Variants in SPTLC1 observed in about 807,000 individuals in gnomAD.
SPTLC1 encodes the protein serine palmitoyltransferase long chain base subunit 1.
In SPTLC1, 55 loss-of-function variants were observed where a neutral mutation model predicts 68.9. The ratio of observed to expected loss-of-function variants is 0.80; its 90% CI spans 0.64 to 1.00. The LOEUF is 1.00. Among genes scored for constraint, SPTLC1 ranks in the 50% least tolerant of loss-of-function variants. SPTLC1 has a pLI of 0.00. For missense variants in SPTLC1, 449 were observed against 573.1 expected, an observed-to-expected ratio of 0.78 and a Z score of 2.21; for synonymous variants, 197 against 201.6, an observed-to-expected ratio of 0.98 and a Z score of 0.19.
At chr9:92,046,228 C>T (rs562091965) in intron 11 of SPTLC1, 175 bp from the exon 12 acceptor site, 148 of 636,556 alleles carry the variant, frequency 2.3e-4, no homozygotes, top group African/African-American at 2.2e-3. Flanking sequence ...GTCTCTGGTG[C>T]GTGCTAACTG....
chr9:92,036,317 G>A (rs953859427), intron 13 of SPTLC1, among the ~76,000 whole-genome samples: 3 of 152,112 alleles, frequency 2.0e-5, no homozygotes, highest in South Asian at 2.1e-4. Context: ...CTTTCATTAC[G>A]TGGCTAATTC....
chr9:92,087,661 G>A (rs1012845956), intron 3 of SPTLC1, among the ~76,000 whole-genome samples: 64 of 152,310 alleles, frequency 4.2e-4, no homozygotes, highest in Middle Eastern at 3.4e-3. Context: ...CTACTGGGGG[G>A]TGCCTCCCAG....
intron 3 of SPTLC1, among the ~76,000 whole-genome samples, chr9:92,084,711 T>C (rs1835040465): frequency 6.6e-6 from 1 of 151,906 alleles, no homozygotes; most frequent in African/African-American, 2.4e-5. Flanking sequence ...TCTTTTTTGG[T>C]TGTGTCTCTG....
intron 5 of SPTLC1, among the ~76,000 whole-genome samples, chr9:92,075,611 C>T (rs1587948332): frequency 6.6e-6 from 1 of 152,166 alleles, no homozygotes; most frequent in Admixed American, 6.5e-5. Context: ...CTGGGCTGGC[C>T]GTCATGCCTG....
intron 12 of SPTLC1, among the ~76,000 whole-genome samples, chr9:92,038,713 C>T (rs528751986): frequency 1.3e-5 from 2 of 152,356 alleles, no homozygotes; most frequent in East Asian, 1.9e-4. Context: ...AATGTTTGTT[C>T]TTCCCTGTGT....
Position 92,081,030 on chromosome 9 carries a change from G to A in SPTLC1, c.261-67C>T, listed in dbSNP as rs1326885977. ...TGTTACATGCTATCATATTACCTTG[G>A]TGGTAGGCACAACAACATAGTGTTG... On this transcript the variant is annotated intron_variant, in intron 3 of 14. Transcript: ENST00000262554. The A allele has an allele frequency of 4.5e-5, 55 of 1,226,174 alleles. No individual in the cohort carries two copies. The South Asian group carries it at 4.6e-4, about 10-fold the overall frequency. The allele number at this position is 1,226,174 out of a possible 1,614,324, so 76.0% of individuals were successfully genotyped here. A position where few individuals can be genotyped will look rare whatever the true frequency, so the allele number is the denominator to read the frequency against.
chr9:92,093,893 A>AAGAATCT (rs1433006117), intron 3 of SPTLC1, among the ~76,000 whole-genome samples: 1 of 152,226 alleles, frequency 6.6e-6, no homozygotes, highest in Non-Finnish European at 1.5e-5. Flanking sequence ...AGACCAATGA[A>AAGAATCT]AGAATCTAGA....
chr9:92,052,520 A>G (rs187970229), intron 8 of SPTLC1, among the ~76,000 whole-genome samples: 3 of 151,704 alleles, frequency 2.0e-5, no homozygotes, highest in Non-Finnish European at 2.9e-5. Flanking sequence ...GATTAAACAA[A>G]GATTATTATT....
rs756425729 is a variant in SPTLC1, at chr9:92,108,788, G to A, written c.212C>T (p.Pro71Leu). ...IEEWQPEPLV[P>L]PVPKDHPALN... is the part of the protein sequence containing the mutation. ...AGCAGGATGGTCTTTTGGGACAGGA[G>A]GAACAAGAGGTTCTGGTTGCCACTC... The change falls in exon 3 of 15, where the codon CCT (proline) becomes CTT (leucine). Residue 71 changes from proline to leucine, a missense_variant. Pro to Leu is a moderately conservative substitution (Grantham distance 98). Transcript: ENST00000262554. The A allele has an allele frequency of 2.5e-6, 4 of 1,605,470 alleles. No homozygotes were observed. The East Asian group carries it at 6.7e-5, about 27-fold the overall frequency.
At chr9:92,058,435 T>C (rs1448987652) in intron 7 of SPTLC1, among the ~76,000 whole-genome samples, 1 of 152,200 alleles carries the variant, frequency 6.6e-6, no homozygotes, top group African/African-American at 2.4e-5. Context: ...AAGACACACA[T>C]CATGGTGTCC....
chr9:92,044,209 A>T (rs1235665506), intron 12 of SPTLC1, among the ~76,000 whole-genome samples: 1 of 152,168 alleles, frequency 6.6e-6, no homozygotes, highest in Non-Finnish European at 1.5e-5. Flanking sequence ...GGTGTGGGAG[A>T]AGGCAATTCT....
chr9:92,045,602 T>A (rs1313563599), intron 12 of SPTLC1, among the ~76,000 whole-genome samples: 4 of 148,614 alleles, frequency 2.7e-5, no homozygotes, highest in African/African-American at 1.0e-4. Flanking sequence ...AACTTAGTAA[T>A]TTATTAAAAA....
intron 8 of SPTLC1, 70 bp downstream of exon 8, chr9:92,055,335 G>A (rs762684194): frequency 1.1e-4 from 170 of 1,604,920 alleles, no homozygotes; most frequent in East Asian, 6.9e-4. Flanking sequence ...CACTAAAAGC[G>A]GTCATAAACA....
intron 3 of SPTLC1, among the ~76,000 whole-genome samples, chr9:92,082,039 C>A (rs1371647014): frequency 6.6e-6 from 1 of 152,002 alleles, no homozygotes; most frequent in African/African-American, 2.4e-5. Context: ...AGAGAGATCC[C>A]CTCTGTATTA....
rs779025787 is a variant in SPTLC1, at chr9:92,108,814, T to C, written c.186A>G (p.Glu62=). 3.7e-6 allele frequency: 6 copies of C among 1,601,692 alleles called. No individual in the cohort carries two copies. In the African/African-American group the frequency reaches 6.7e-5, roughly 18 times the overall value. The change falls in exon 3 of 15, where the codon GAA becomes GAG. Residue 62 remains glutamate (E), a synonymous_variant. Coordinates refer to ENST00000262554, the MANE Select transcript of SPTLC1 (RefSeq NM_006415.4). ...GAACAAGAGGTTCTGGTTGCCACTC[T>C]TCAATCAGTTCTTCTTTTTCCTACA... is the stretch of plus-strand genomic sequence containing the variant. The part of the protein sequence containing the change: ...LTVKEKEELI[E]EWQPEPLVPP...
intron 13 of SPTLC1, 63 bp from the exon 14 acceptor site, chr9:92,034,946 G>A: frequency 5.2e-6 from 7 of 1,343,102 alleles, no homozygotes; most frequent in Non-Finnish European, 7.5e-6. Context: ...ATTAAACTGG[G>A]GGAACGCTGA....
intron 7 of SPTLC1, among the ~76,000 whole-genome samples, 153 bp from the exon 8 acceptor site, chr9:92,055,647 A>G (rs1459712706): frequency 6.6e-6 from 1 of 152,208 alleles, no homozygotes; most frequent in Non-Finnish European, 1.5e-5. Flanking sequence ...GGTTATTTTG[A>G]GATGAACAAC....
intron 2 of SPTLC1, 153 bp from the exon 3 acceptor site, chr9:92,108,987 G>A: frequency 2.5e-6 from 3 of 1,199,202 alleles, no homozygotes; most frequent in Non-Finnish European, 3.5e-6. Context: ...CACACTATTA[G>A]TACGTCTTTG....
intron 8 of SPTLC1, chr9:92,051,086 T>G: frequency 1.0e-6 from 1 of 985,294 alleles, no homozygotes. Context: ...CCTAGTATCT[T>G]CTGGTTCACT....
Sources: allele counts gnomAD v4.1 joint callset (sites outside exome capture counted in the v4.1 genomes callset), GRCh38; gene constraint gnomAD v4.1.1; transcripts MANE v1.5; gene names NCBI Gene and HGNC (gene_info 2026-07-23, HGNC 2026-07-21).